The following MYO5B variants were observed in gnomAD, a reference collection of about 807,000 sequenced individuals.
MYO5B encodes the protein myosin VB, also known as unconventional myosin-Vb.
MYO5B carries 143 observed loss-of-function variants against 229.3 expected under a neutral mutation model. That is an observed-to-expected ratio of 0.62 (90% confidence interval 0.54 to 0.72). The LOEUF (loss-of-function observed/expected upper bound fraction) is 0.72. Among genes scored for constraint, MYO5B ranks in the 30% least tolerant of loss-of-function variants. The pLI is 0.00. For missense variants in MYO5B, 2,321 were observed against 2,331.0 expected (o/e 1.00, Z 0.09); for synonymous variants, 918 against 885.2 (o/e 1.04, Z -0.66).
At chr18:50,029,942 C>A (rs975333897) in intron 4 of MYO5B, among the ~76,000 whole-genome samples, 1 of 152,212 alleles carries the variant, frequency 6.6e-6, no homozygotes, top group Non-Finnish European at 1.5e-5. Flanking sequence ...AATTAGGAAG[C>A]ACTCCACATC....
At chr18:49,926,066 T>A (rs574889667) in intron 17 of MYO5B, among the ~76,000 whole-genome samples, 1 of 152,286 alleles carries the variant, frequency 6.6e-6, no homozygotes, top group African/African-American at 2.4e-5. Flanking sequence ...CCCAGGACAC[T>A]CTCTGTCCTT....
chr18:50,015,815 G>A (rs192708331), intron 4 of MYO5B, among the ~76,000 whole-genome samples: 149 of 152,276 alleles, frequency 9.8e-4, no homozygotes, highest in African/African-American at 3.2e-3. Flanking sequence ...TAAGCAGCAC[G>A]TCCTGCCTGT....
intron 28 of MYO5B, 70 bp downstream of exon 28, chr18:49,864,061 GTAAAGATAAT>G: frequency 4.4e-6 from 7 of 1,581,924 alleles, no homozygotes; most frequent in Non-Finnish European, 6.0e-6. Context: ...ACCCTCGTGG[GTAAAGATAAT>G]TAAAAAAACA....
At chr18:50,139,019 C>T (rs914358377) in intron 1 of MYO5B, among the ~76,000 whole-genome samples, 1 of 152,222 alleles carries the variant, frequency 6.6e-6, no homozygotes, top group Non-Finnish European at 1.5e-5. Flanking sequence ...TCCAAGTTAA[C>T]CCATGCCAGT....
intron 1 of MYO5B, among the ~76,000 whole-genome samples, chr18:50,163,601 G>T (rs957053576): frequency 4.6e-5 from 7 of 152,166 alleles, no homozygotes; most frequent in African/African-American, 9.7e-5. Flanking sequence ...TGGATACTGT[G>T]GGAAATTTTC....
chr18:49,959,669 G>C (rs1191450133), intron 12 of MYO5B, among the ~76,000 whole-genome samples: 1 of 152,182 alleles, frequency 6.6e-6, no homozygotes. Context: ...CCTCCAACTT[G>C]ATACAGCGCC....
chr18:50,134,531 G>C (rs1448553244), intron 1 of MYO5B, among the ~76,000 whole-genome samples: 1 of 150,870 alleles, frequency 6.6e-6, no homozygotes, highest in South Asian at 2.1e-4. Context: ...CTCCAGCCTG[G>C]GCGATAGAGT....
At chr18:49,980,308 G>T in intron 9 of MYO5B, 136 bp downstream of exon 9, 1 of 751,064 alleles carries the variant, frequency 1.3e-6, no homozygotes. Context: ...AAAATTATCA[G>T]CAAGTGAACA....
At chr18:49,936,436 T>G (rs796149345) in intron 15 of MYO5B, 87 bp from the exon 16 acceptor site, 43 of 906,198 alleles carry the variant, frequency 4.7e-5, no homozygotes, top group Non-Finnish European at 7.5e-5. Flanking sequence ...TGGCGGTAGT[T>G]ATTGTTACTA....
At chr18:50,095,907 G>A (rs1374551572) in intron 1 of MYO5B, among the ~76,000 whole-genome samples, 1 of 152,176 alleles carries the variant, frequency 6.6e-6, no homozygotes, top group East Asian at 1.9e-4. Flanking sequence ...TACATCTTTG[G>A]AGAGGGAACA....
At chr18:50,091,956 T>C (rs2031457032) in intron 1 of MYO5B, among the ~76,000 whole-genome samples, 2 of 152,184 alleles carry the variant, frequency 1.3e-5, no homozygotes, top group South Asian at 4.1e-4. Context: ...CAAATGTGAT[T>C]AGTCAGGGCA....
chr18:49,915,173 G>T (rs547363795), intron 17 of MYO5B, among the ~76,000 whole-genome samples: 1 of 151,678 alleles, frequency 6.6e-6, no homozygotes, highest in East Asian at 1.9e-4. Context: ...GCTCCTTACC[G>T]TTATAAAATT....
At chr18:50,014,883 G>A (rs2026200719) in intron 4 of MYO5B, among the ~76,000 whole-genome samples, 1 of 152,214 alleles carries the variant, frequency 6.6e-6, no homozygotes, top group African/African-American at 2.4e-5. Context: ...GTGCTCCCTT[G>A]AGGGACTGAT....
At chr18:49,995,975 C>A (rs983097436) in intron 5 of MYO5B, among the ~76,000 whole-genome samples, 1 of 152,204 alleles carries the variant, frequency 6.6e-6, no homozygotes, top group Non-Finnish European at 1.5e-5. Context: ...TAAACAATGT[C>A]ATACAGATGT....
intron 1 of MYO5B, among the ~76,000 whole-genome samples, chr18:50,124,430 C>T (rs1511151): frequency 0.46 from 70,240 of 151,946 alleles, 16,455 homozygotes; most frequent in Admixed American, 0.59. Context: ...CATGGGGTAG[C>T]GGCATTCCTA....
intron 39 of MYO5B, among the ~76,000 whole-genome samples, chr18:49,833,290 C>G (rs530629041): frequency 2.0e-5 from 3 of 152,320 alleles, no homozygotes; most frequent in African/African-American, 7.2e-5. Context: ...CAGTACAAAG[C>G]TATAAAAAGC....
intron 23 of MYO5B, among the ~76,000 whole-genome samples, chr18:49,879,827 A>C (rs976944682): frequency 9.9e-5 from 15 of 152,228 alleles, no homozygotes; most frequent in African/African-American, 3.6e-4. Context: ...AGAGAGGCTG[A>C]CCTGGGATCT....
At position 49,936,258 on chromosome 18, in the gene MYO5B, G is replaced by T. The variant is rs1453181948; in HGVS notation, c.1997C>A (p.Pro666His). ...ATGCCCAGCAGGCACTTACTGAAAG[G>T]GGAGCTTCTCATCGTTGGGCTTGAT... ...RCIKPNDEKL[P>H]FHFDPKRAVQ... The change falls in exon 16 of 40, where the codon CCC (proline) becomes CAC (histidine). Residue 666 changes from proline to histidine, a missense_variant. Physicochemically the swap from Pro to His is moderately conservative, Grantham distance 77 (BLOSUM62 -2). Transcript: ENST00000285039. 2 of 1,593,442 alleles carry T rather than the reference G, an allele frequency of 1.3e-6. No individual in the cohort carries two copies. Among genetic ancestry groups the T allele is most frequent in the Non-Finnish European group, 1.7e-6 (2 of 1,168,912 alleles).
At chr18:50,192,240 A>G (rs1451404911) in intron 1 of MYO5B, among the ~76,000 whole-genome samples, 1 of 152,250 alleles carries the variant, frequency 6.6e-6, no homozygotes, top group African/African-American at 2.4e-5. Context: ...AAACTGCTGC[A>G]CCCAGATCAA....
Sources: gnomAD v4.1 joint callset for allele counts (sites outside exome capture counted in the v4.1 genomes callset) on GRCh38, gnomAD v4.1.1 for gene constraint, MANE v1.5 for transcripts, NCBI Gene and HGNC (gene_info 2026-07-23, HGNC 2026-07-21) for gene names.